The following FBXO34 variants were observed in gnomAD, a reference collection of about 807,000 sequenced individuals.
The protein encoded by FBXO34 is F-box only protein 34.
Under a neutral mutation model 24.5 loss-of-function variants are expected in FBXO34, and 12 were observed. That is an observed-to-expected ratio of 0.49 (90% CI 0.31 to 0.79). The LOEUF is 0.79. Among genes scored for constraint, FBXO34 ranks in the 30% least tolerant of loss-of-function variants. The pLI is 0.04. For missense variants in FBXO34, 823 were observed against 857.7 expected (o/e 0.96, Z 0.51); for synonymous variants, 320 against 311.9 (o/e 1.03, Z -0.27).
Position 55,352,384 on chromosome 14 carries a change from G to A in FBXO34, c.1994G>A (p.Trp665Ter). The A allele has an allele frequency of 6.2e-7, 1 of 1,614,186 alleles. No individual in the cohort carries two copies. The highest frequency in any genetic ancestry group is 8.5e-7 in the Non-Finnish European group (1 of 1,180,022). ...GCATTGCCCTATGGGCCAGGGTATT[G>A]GATGTGCTGCCACCGGTCTCAGAAA... ...CQALPYGPGY[W>*]MCCHRSQKGF... Residue 665 changes from tryptophan (W) to a stop codon, truncating the protein, a stop_gained, in exon 2 of 2, where the codon TGG becomes TAG. Coordinates refer to ENST00000313833, the MANE Select transcript of FBXO34 (RefSeq NM_017943.4). LOFTEE classifies it high-confidence loss of function.
downstream of FBXO34, among the ~76,000 whole-genome samples, chr14:55,357,011 G>A (rs1379911274): frequency 6.6e-6 from 1 of 152,174 alleles, no homozygotes; most frequent in Admixed American, 6.5e-5. Flanking sequence ...AGCTAGTGTT[G>A]CAATCTTTGT....
intron 1 of FBXO34, among the ~76,000 whole-genome samples, chr14:55,290,075 T>C (rs918059189): frequency 1.3e-5 from 2 of 152,182 alleles, no homozygotes; most frequent in Non-Finnish European, 2.9e-5. Flanking sequence ...GCTGTTTTTC[T>C]CTTACTCTCC....
chr14:55,274,396 CTG>C lies in FBXO34; in HGVS notation c.-11+2861_-11+2862del, dbSNP rs779139192. Among the ~76,000 whole-genome samples the C allele has an allele frequency of 4.6e-5, 7 of 152,236 alleles. No individual in the cohort carries two copies. In the East Asian group the frequency reaches 1.4e-3, roughly 29 times the overall value. On this transcript the variant is annotated intron_variant, in intron 1 of 1. Transcript: ENST00000313833. ...AACTCGTGTGAAACATTTTTACAGTCTGTTTCTATTTTTGGCAGGATCTTTTT... is the reference window on the plus strand; with the variant it reads ...AACTCGTGTGAAACATTTTTACAGTCTTTCTATTTTTGGCAGGATCTTTTT...
At chr14:55,427,605 G>A in the FBXO34 span, among the ~76,000 whole-genome samples, 1 of 152,114 alleles carries the variant, frequency 6.6e-6, no homozygotes, top group African/African-American at 2.4e-5. Context: ...CAGGCCAAGT[G>A]CCCTAGCCCA....
intron 1 of FBXO34, among the ~76,000 whole-genome samples, chr14:55,300,687 C>T (rs1170681588): frequency 6.6e-5 from 10 of 152,204 alleles, no homozygotes; most frequent in Admixed American, 6.5e-4. Flanking sequence ...GTTCTTATGT[C>T]CTGTATTTCC....
chr14:55,292,538 T>C (rs1881977541), intron 1 of FBXO34, among the ~76,000 whole-genome samples: 1 of 151,948 alleles, frequency 6.6e-6, no homozygotes, highest in Admixed American at 6.6e-5. Context: ...TTTTGTATTT[T>C]TCTCAGTAGA....
At chr14:55,292,135 T>C (rs1202919214) in intron 1 of FBXO34, among the ~76,000 whole-genome samples, 1 of 152,134 alleles carries the variant, frequency 6.6e-6, no homozygotes, top group East Asian at 1.9e-4. Context: ...TATTTTTTGG[T>C]TCTTTTTATA....
chr14:55,305,939 A>G (rs1183196409), intron 1 of FBXO34, among the ~76,000 whole-genome samples: 2 of 152,246 alleles, frequency 1.3e-5, no homozygotes, highest in African/African-American at 2.4e-5. Context: ...AAGCCTGTCA[A>G]CAGAGCCACA....
the FBXO34 span, chr14:55,440,638 G>A: frequency 7.3e-7 from 1 of 1,374,628 alleles, no homozygotes; most frequent in Non-Finnish European, 9.7e-7. Context: ...CTTGGAGCGG[G>A]ATGCGGAACC....
chr14:55,286,350 T>C (rs918502245), intron 1 of FBXO34, among the ~76,000 whole-genome samples: 1 of 152,214 alleles, frequency 6.6e-6, no homozygotes, highest in African/African-American at 2.4e-5. Flanking sequence ...TGAACCTCGG[T>C]GTAACTTTTG....
downstream of FBXO34, among the ~76,000 whole-genome samples, chr14:55,356,618 A>AT (rs138774325): frequency 0.32 from 47,741 of 147,652 alleles, 7,646 homozygotes; most frequent in Non-Finnish European, 0.34. Flanking sequence ...GGCCCAGCTG[A>AT]TTTTTTTATT....
chr14:55,399,263 A>G, the FBXO34 span, among the ~76,000 whole-genome samples: 45 of 152,250 alleles, frequency 3.0e-4, no homozygotes, highest in African/African-American at 1.1e-3. Flanking sequence ...TGACTATTTA[A>G]ATTTAAATTA....
intron 1 of FBXO34, among the ~76,000 whole-genome samples, chr14:55,294,290 A>C (rs1179816341): frequency 1.4e-5 from 2 of 143,806 alleles, no homozygotes; most frequent in Admixed American, 1.4e-4. Context: ...ATAGATGCTC[A>C]AAAAATTATT....
chr14:55,291,322 A>T (rs1289073720), intron 1 of FBXO34, among the ~76,000 whole-genome samples: 1 of 152,206 alleles, frequency 6.6e-6, no homozygotes, highest in East Asian at 1.9e-4. Context: ...AAATACTTCT[A>T]TGCTTACATA....
intron 1 of FBXO34, among the ~76,000 whole-genome samples, chr14:55,317,064 T>C (rs1347169444): frequency 1.3e-5 from 2 of 152,168 alleles, no homozygotes; most frequent in Admixed American, 1.3e-4. Context: ...TTTCTCCTTT[T>C]AGAATAATGG....
chr14:55,419,239 C>T, the FBXO34 span, among the ~76,000 whole-genome samples: 2 of 152,198 alleles, frequency 1.3e-5, no homozygotes, highest in African/African-American at 2.4e-5. Flanking sequence ...TGCTTGATAT[C>T]GTTAAGTTTA....
At chr14:55,386,995 TC>T in the FBXO34 span, among the ~76,000 whole-genome samples, 2 of 152,228 alleles carry the variant, frequency 1.3e-5, no homozygotes, top group African/African-American at 4.8e-5. Context: ...CCCTTGATGG[TC>T]AATTCCATTT....
chr14:55,316,689 TGCAC>T (rs1431851246), intron 1 of FBXO34, among the ~76,000 whole-genome samples: 1 of 148,880 alleles, frequency 6.7e-6, no homozygotes, highest in Non-Finnish European at 1.5e-5. Context: ...ATCATGCCAC[TGCAC>T]TACAGCCTGG....
At chr14:55,334,888 A>G (rs1156651761) in intron 1 of FBXO34, among the ~76,000 whole-genome samples, 1 of 152,228 alleles carries the variant, frequency 6.6e-6, no homozygotes, top group African/African-American at 2.4e-5. Flanking sequence ...TGGTGACAAG[A>G]TGGTCAGACT....
Sources: gnomAD v4.1 joint callset for allele counts (sites outside exome capture counted in the v4.1 genomes callset) on GRCh38, gnomAD v4.1.1 for gene constraint, MANE v1.5 for transcripts, NCBI Gene and HGNC (gene_info 2026-07-23, HGNC 2026-07-21) for gene names.